Variants in RARB observed in about 807,000 individuals in gnomAD.
RARB encodes retinoic acid receptor beta.
RARB carries 17 observed loss-of-function variants against 51.9 expected under a neutral mutation model. That is an observed-to-expected ratio of 0.33 (90% CI 0.22 to 0.49). The LOEUF (loss-of-function observed/expected upper bound fraction) is 0.49. RARB is among the 20% of genes least tolerant of loss of function. RARB has a pLI of 0.99. For missense variants in RARB, 369 were observed against 550.8 expected (o/e 0.67, Z 3.30); for synonymous variants, 215 against 195.4 (o/e 1.10, Z -0.84).
At chr3:25,224,239 A>C (rs1702007068) in intron 5 of RARB, among the ~76,000 whole-genome samples, 1 of 152,218 alleles carries the variant, frequency 6.6e-6, no homozygotes, top group Non-Finnish European at 1.5e-5. Flanking sequence ...AACTGAAAAC[A>C]AAAGATAGAT....
intron 5 of RARB, among the ~76,000 whole-genome samples, chr3:25,405,867 G>C (rs1707392670): frequency 6.6e-6 from 1 of 152,170 alleles, no homozygotes; most frequent in African/African-American, 2.4e-5. Context: ...TGTGGCATAG[G>C]AGCCAGCTCT....
intron 1 of RARB, among the ~76,000 whole-genome samples, chr3:24,845,686 C>T (rs759979782): frequency 6.6e-6 from 1 of 152,148 alleles, no homozygotes; most frequent in African/African-American, 2.4e-5. Flanking sequence ...TTCTGTTTCT[C>T]CTGCAGCTCC....
intron 2 of RARB, among the ~76,000 whole-genome samples, chr3:24,917,328 C>CT (rs1695127593): frequency 6.6e-6 from 1 of 152,028 alleles, no homozygotes; most frequent in Non-Finnish European, 1.5e-5. Context: ...ATTGACTAAA[C>CT]TTAAAAAATG....
chr3:24,904,158 C>T lies in RARB; in HGVS notation c.-380+45406C>T, dbSNP rs145392617. The stretch of plus-strand genomic sequence containing the variant: ...TCACCAACCAGGGTCTACAGTTGAG[C>T]GAGTTCTTTAACTTCCAACTGTCTT... On this transcript the variant is annotated intron_variant, in intron 2 of 11. Transcript: ENST00000383772. Among the ~76,000 whole-genome samples, 17 of 152,236 alleles carry T rather than the reference C, an allele frequency of 1.1e-4. No homozygotes were observed. The South Asian group carries it at 2.3e-3, about 20-fold the overall frequency.
chr3:25,513,634 T>G (rs1384391843), intron 3 of RARB, among the ~76,000 whole-genome samples: 1 of 140,848 alleles, frequency 7.1e-6, no homozygotes, highest in Non-Finnish European at 1.5e-5. Flanking sequence ...AAATAGGTCC[T>G]AACAGAGATT....
At chr3:24,899,147 A>G (rs1703542835) in intron 2 of RARB, among the ~76,000 whole-genome samples, 1 of 152,178 alleles carries the variant, frequency 6.6e-6, no homozygotes, top group East Asian at 1.9e-4. Flanking sequence ...CACAATGAAA[A>G]TGTATAGGTC....
rs552446722 is a variant in RARB at position 25,031,544 on chromosome 3, G to A, written c.-379-28581G>A. 1.1e-4 allele frequency among the ~76,000 whole-genome samples: 16 copies of A among 152,236 alleles called. 1 individual carries two copies. In the East Asian group the frequency reaches 2.7e-3, roughly 26 times the overall value. On this transcript the variant is annotated intron_variant, in intron 2 of 11. Transcript: ENST00000383772. ...GGGTGGTGGGTAGGAAGAACATAAC[G>A]TGACAAAGACAATGCCTTGAAAACT...
intron 1 of RARB, among the ~76,000 whole-genome samples, chr3:25,445,026 T>A (rs1376067436): frequency 6.6e-6 from 1 of 152,080 alleles, no homozygotes; most frequent in East Asian, 1.9e-4. Context: ...CTCAGGTCAG[T>A]GCAACCTCCG....
chr3:25,300,475 AT>A (rs1400190716), intron 5 of RARB, among the ~76,000 whole-genome samples: 5 of 152,158 alleles, frequency 3.3e-5, no homozygotes, highest in Non-Finnish European at 7.4e-5. Flanking sequence ...ATCCTTTTTG[AT>A]CCATTGAAGA....
intron 2 of RARB, among the ~76,000 whole-genome samples, chr3:24,948,482 G>T (rs991741991): frequency 6.6e-6 from 1 of 152,116 alleles, no homozygotes; most frequent in Non-Finnish European, 1.5e-5. Flanking sequence ...TTTCTTTTAG[G>T]CTAGCAAACC....
At chr3:25,069,335 G>A (rs1698724559) in intron 3 of RARB, among the ~76,000 whole-genome samples, 1 of 152,088 alleles carries the variant, frequency 6.6e-6, no homozygotes, top group South Asian at 2.1e-4. Context: ...TCATTTTCAT[G>A]AGCTTTCCCT....
upstream of RARB, among the ~76,000 whole-genome samples, chr3:25,423,991 A>G (rs993960948): frequency 4.6e-5 from 7 of 152,340 alleles, no homozygotes; most frequent in East Asian, 1.2e-3. Flanking sequence ...CAGAAGCACT[A>G]AAGAAAATAA....
chr3:24,908,045 G>T (rs1393271779), intron 2 of RARB, among the ~76,000 whole-genome samples: 1 of 152,058 alleles, frequency 6.6e-6, no homozygotes, highest in African/African-American at 2.4e-5. Flanking sequence ...AGACGCTCAG[G>T]ATTTGAGAGG....
At chr3:24,882,172 G>T (rs1224782839) in intron 2 of RARB, among the ~76,000 whole-genome samples, 1 of 152,124 alleles carries the variant, frequency 6.6e-6, no homozygotes, top group Non-Finnish European at 1.5e-5. Flanking sequence ...AAAATCAATA[G>T]CAATATAATT....
chr3:25,075,396 A>G (rs1356802954), intron 3 of RARB, among the ~76,000 whole-genome samples: 3 of 152,200 alleles, frequency 2.0e-5, no homozygotes, highest in African/African-American at 7.2e-5. Context: ...TTTTCTGTGC[A>G]GTAATTTAGC....
intron 5 of RARB, among the ~76,000 whole-genome samples, chr3:25,285,778 G>A (rs1170363400): frequency 6.6e-6 from 1 of 152,162 alleles, no homozygotes; most frequent in Non-Finnish European, 1.5e-5. Context: ...CAGAGTTGAT[G>A]GCAAAGCCAA....
intron 5 of RARB, among the ~76,000 whole-genome samples, chr3:25,346,802 A>C (rs562619448): frequency 1.3e-5 from 2 of 152,296 alleles, no homozygotes; most frequent in African/African-American, 4.8e-5. Flanking sequence ...GCAGCTACTC[A>C]TCTCGCATCA....
At chr3:24,952,405 C>A (rs1303432406) in intron 2 of RARB, among the ~76,000 whole-genome samples, 6 of 151,904 alleles carry the variant, frequency 3.9e-5, no homozygotes, top group Non-Finnish European at 7.4e-5. Flanking sequence ...TGTTTTTGAC[C>A]CTCTCAAAAA....
chr3:25,212,242 CATAA>C (rs151261489), intron 5 of RARB, among the ~76,000 whole-genome samples: 1,735 of 152,236 alleles, frequency 0.011, 36 homozygotes, highest in African/African-American at 0.04. Context: ...AAGCTCAATG[CATAA>C]ATAAATAATA....
Sources: allele counts gnomAD v4.1 joint callset (sites outside exome capture counted in the v4.1 genomes callset), GRCh38; gene constraint gnomAD v4.1.1; transcripts MANE v1.5; gene names NCBI Gene and HGNC (gene_info 2026-07-23, HGNC 2026-07-21).